Variants in UNC5D observed in about 807,000 individuals in gnomAD.
UNC5D encodes netrin receptor UNC5D.
Under a neutral mutation model 105.4 loss-of-function variants are expected in UNC5D, and 39 were observed. The observed-to-expected ratio is 0.37, with a 90% confidence interval of 0.29 to 0.48. The LOEUF is 0.48. Ranked by LOEUF, UNC5D falls within the 20% of genes least tolerant of loss-of-function variation. The pLI is 0.98. For missense variants in UNC5D, 991 were observed against 1,202.4 expected (o/e 0.82, Z 2.60); for synonymous variants, 452 against 450.4 (o/e 1.00, Z -0.04).
intron 4 of UNC5D, among the ~76,000 whole-genome samples, chr8:35,661,745 T>A (rs1041723451): frequency 1.2e-4 from 19 of 152,234 alleles, no homozygotes; most frequent in Admixed American, 1.0e-3. Context: ...TATAGCATTT[T>A]ACCACTTTTT....
At chr8:35,448,124 C>A (rs1017791411) in intron 1 of UNC5D, among the ~76,000 whole-genome samples, 41 of 152,178 alleles carry the variant, frequency 2.7e-4, no homozygotes, top group African/African-American at 7.9e-4. Flanking sequence ...AATGAACTGG[C>A]TGAACTGGAG....
chr8:35,789,895 A>ACAC (rs1802953263), intron 16 of UNC5D, among the ~76,000 whole-genome samples: 4 of 142,680 alleles, frequency 2.8e-5, no homozygotes, highest in African/African-American at 7.8e-5. Flanking sequence ...TCAAGAAGAA[A>ACAC]ACACACACAC....
At chr8:35,721,049 C>T (rs958995970) in intron 8 of UNC5D, among the ~76,000 whole-genome samples, 10 of 152,162 alleles carry the variant, frequency 6.6e-5, no homozygotes, top group East Asian at 1.9e-4. Context: ...TATTAGGGTG[C>T]GGTGAATGCA....
Position 35,752,217 on chromosome 8 carries a change from C to T in UNC5D, c.2163+1408C>T, listed in dbSNP as rs75430272. ...AAGACTGCAAGTTTATTAATAGCAG[C>T]AAGGATGATGCAGAACTGCCTGTGT... On this transcript the variant is annotated intron_variant, in intron 13 of 16. Transcript: ENST00000404895. 6.2e-3 allele frequency among the ~76,000 whole-genome samples: 947 copies of T among 152,190 alleles called. 4 individuals are homozygous for T. The highest frequency in any genetic ancestry group is 0.022 in the African/African-American group (899 of 41,524).
intron 1 of UNC5D, among the ~76,000 whole-genome samples, chr8:35,424,101 A>G (rs1806091278): frequency 6.6e-6 from 1 of 152,158 alleles, no homozygotes; most frequent in Non-Finnish European, 1.5e-5. Flanking sequence ...CACCCAGCCA[A>G]GGAGTACTTA....
rs367902061 is a variant in UNC5D at position 35,789,138 on chromosome 8, T to C, written c.2658-1221T>C. On this transcript the variant is annotated intron_variant, in intron 16 of 16. Coordinates refer to ENST00000404895, the MANE Select transcript of UNC5D (RefSeq NM_080872.4). ...AATAAGACTGAGTGGGAGAAAAGAC[T>C]ATATATATATATATATATATATATA... Among the ~76,000 whole-genome samples the C allele has an allele frequency of 1.9e-3, 11 of 5,856 alleles. No homozygotes were observed. The East Asian group carries it at 0.063, about 34-fold the overall frequency. The allele number at this position is 5,856 out of a possible 152,430, so 3.8% of individuals were successfully genotyped here.
intron 3 of UNC5D, among the ~76,000 whole-genome samples, chr8:35,577,680 T>TA (rs1270787358): frequency 1.3e-5 from 2 of 152,216 alleles, no homozygotes; most frequent in African/African-American, 4.8e-5. Flanking sequence ...GCATGGAGGC[T>TA]AAAACTAATG....
chr8:35,495,937 A>T (rs1391127768), intron 1 of UNC5D, among the ~76,000 whole-genome samples: 1 of 152,216 alleles, frequency 6.6e-6, no homozygotes, highest in Non-Finnish European at 1.5e-5. Flanking sequence ...AGGGGCCAAA[A>T]GATATGTATT....
chr8:35,521,165 CA>C (rs761998049), intron 1 of UNC5D, among the ~76,000 whole-genome samples: 2 of 151,910 alleles, frequency 1.3e-5, no homozygotes, highest in African/African-American at 4.8e-5. Context: ...AGAGGGGATG[CA>C]TTTTTTTTCT....
chr8:35,595,781 GC>G, intron 4 of UNC5D, 124 bp downstream of exon 4: 1 of 757,484 alleles, frequency 1.3e-6, no homozygotes, highest in Non-Finnish European at 2.2e-6. Flanking sequence ...TGTTGCCTGG[GC>G]TCAGTTGCTA....
chr8:35,483,119 A>G (rs1810598998), intron 1 of UNC5D, among the ~76,000 whole-genome samples: 1 of 151,268 alleles, frequency 6.6e-6, no homozygotes, highest in Non-Finnish European at 1.5e-5. Context: ...TTTTTTTAAG[A>G]GGTGCTGTTG....
intron 1 of UNC5D, among the ~76,000 whole-genome samples, chr8:35,314,017 G>A (rs1311817965): frequency 6.6e-6 from 1 of 152,070 alleles, no homozygotes; most frequent in Non-Finnish European, 1.5e-5. Flanking sequence ...TCTAATTTTC[G>A]AAATTGATGG....
chr8:35,737,203 A>G (rs1188068871), intron 11 of UNC5D, among the ~76,000 whole-genome samples: 1 of 151,202 alleles, frequency 6.6e-6, no homozygotes, highest in Non-Finnish European at 1.5e-5. Context: ...CATTGCTGTC[A>G]GCGGGGAGTT....
At chr8:35,649,245 A>G (rs1005814390) in intron 4 of UNC5D, among the ~76,000 whole-genome samples, 6 of 152,186 alleles carry the variant, frequency 3.9e-5, no homozygotes, top group African/African-American at 1.4e-4. Flanking sequence ...AACTCAGACC[A>G]TGCAGACTGA....
chr8:35,705,155 G>A (rs949366329), intron 7 of UNC5D, among the ~76,000 whole-genome samples: 5 of 151,894 alleles, frequency 3.3e-5, no homozygotes, highest in East Asian at 2.0e-4. Context: ...TAGTAGAGAC[G>A]GGGTTTCACC....
chr8:35,255,897 A>G (rs1230795809), intron 1 of UNC5D: 1 of 152,220 alleles, frequency 6.6e-6, no homozygotes, highest in Admixed American at 6.5e-5. Flanking sequence ...TGATTTATTA[A>G]TAAACTGCAT....
At chr8:35,688,836 G>A (rs2131363977) in intron 7 of UNC5D, among the ~76,000 whole-genome samples, 1 of 152,346 alleles carries the variant, frequency 6.6e-6, no homozygotes, top group South Asian at 2.1e-4. Flanking sequence ...AGTGTCCATA[G>A]GACGAGTTCA....
chr8:35,574,512 T>G (rs186249539), intron 3 of UNC5D, among the ~76,000 whole-genome samples: 2 of 152,314 alleles, frequency 1.3e-5, no homozygotes, highest in East Asian at 1.9e-4. Flanking sequence ...TCAAAAGCTT[T>G]GAAACTCCCA....
intron 2 of UNC5D, among the ~76,000 whole-genome samples, chr8:35,550,477 G>A (rs749435203): frequency 1.6e-4 from 24 of 152,026 alleles, no homozygotes; most frequent in Non-Finnish European, 2.6e-4. Flanking sequence ...CTAGATATCC[G>A]ATTTTTGAAT....
Sources: gnomAD v4.1 joint callset for allele counts (sites outside exome capture counted in the v4.1 genomes callset) on GRCh38, gnomAD v4.1.1 for gene constraint, MANE v1.5 for transcripts, NCBI Gene and HGNC (gene_info 2026-07-23, HGNC 2026-07-21) for gene names.